Variants in CABCOCO1 observed in about 807,000 individuals in gnomAD.
CABCOCO1 encodes ciliary associated calcium binding coiled-coil 1.
CABCOCO1 carries 28 observed loss-of-function variants against 35.7 expected under a neutral mutation model. The observed-to-expected ratio is 0.78, with a 90% CI of 0.58 to 1.07. The LOEUF is 1.07. Among genes scored for constraint, CABCOCO1 ranks in the 50% least tolerant of loss-of-function variants. CABCOCO1 has a pLI of 0.00. For synonymous variants in CABCOCO1, 95 were observed against 100.1 expected (o/e 0.95, Z 0.30); for missense variants, 326 against 309.2 (o/e 1.05, Z -0.41).
At chr10:61,690,954 T>C (rs1840121469) in intron 5 of CABCOCO1, among the ~76,000 whole-genome samples, 1 of 152,120 alleles carries the variant, frequency 6.6e-6, no homozygotes, top group African/African-American at 2.4e-5. Flanking sequence ...AATAATTATA[T>C]AAAGTAAAGG....
chr10:61,688,002 G>A (rs914999270), intron 4 of CABCOCO1, among the ~76,000 whole-genome samples: 2 of 152,056 alleles, frequency 1.3e-5, no homozygotes, highest in Admixed American at 6.6e-5. Context: ...ACAAATGAAA[G>A]TTTAGCGGGG....
intron 1 of CABCOCO1, among the ~76,000 whole-genome samples, chr10:61,666,659 T>G (rs1293780831): frequency 3.9e-5 from 6 of 152,078 alleles, no homozygotes; most frequent in Non-Finnish European, 8.8e-5. Flanking sequence ...ATTTAAAGTT[T>G]TATTTTACTA....
chr10:61,755,796 A>G (rs933770046), intron 5 of CABCOCO1, among the ~76,000 whole-genome samples: 3 of 152,058 alleles, frequency 2.0e-5, no homozygotes, highest in Non-Finnish European at 2.9e-5. Context: ...AGCTCATACT[A>G]TTGATAATGT....
At chr10:61,666,996 A>G (rs1839200128) in intron 1 of CABCOCO1, among the ~76,000 whole-genome samples, 1 of 142,150 alleles carries the variant, frequency 7.0e-6, no homozygotes, top group African/African-American at 2.6e-5. Context: ...ATTATATATT[A>G]TATATAAATT....
At chr10:61,719,445 A>AT (rs1840943616) in intron 5 of CABCOCO1, among the ~76,000 whole-genome samples, 1 of 152,072 alleles carries the variant, frequency 6.6e-6, no homozygotes, top group Non-Finnish European at 1.5e-5. Context: ...GTTACACATG[A>AT]TTAAAAAAAA....
At chr10:61,747,973 C>T (rs1841700123) in intron 5 of CABCOCO1, among the ~76,000 whole-genome samples, 1 of 152,104 alleles carries the variant, frequency 6.6e-6, no homozygotes, top group Admixed American at 6.6e-5. Flanking sequence ...CTATACTCAT[C>T]CTAATATTCC....
chr10:61,749,078 T>C (rs572035371), intron 5 of CABCOCO1, among the ~76,000 whole-genome samples: 1 of 152,304 alleles, frequency 6.6e-6, no homozygotes, highest in African/African-American at 2.4e-5. Context: ...GTAAAAATAA[T>C]AAAAGCCACC....
chr10:61,680,040 G>A (rs1323742574), intron 2 of CABCOCO1, among the ~76,000 whole-genome samples: 6 of 151,828 alleles, frequency 4.0e-5, no homozygotes, highest in Non-Finnish European at 8.8e-5. Context: ...AACTGGGTGC[G>A]GTGTTCACGC....
rs549610814 is a variant in CABCOCO1 at position 61,732,184 on chromosome 10, G to T, written c.553-27875G>T. On this transcript the variant is annotated intron_variant, in intron 5 of 7. Coordinates refer to ENST00000648843, the MANE Select transcript of CABCOCO1 (RefSeq NM_001366906.2). The stretch of plus-strand genomic sequence containing the variant: ...TTTATTGGCATAAAGATCTGTATGA[G>T]CTGAAAGAAAAGATATTTAAATTAA... Among the ~76,000 whole-genome samples the T allele has an allele frequency of 3.3e-5, 5 of 152,182 alleles. No homozygotes were observed. In the East Asian group the frequency reaches 9.6e-4, roughly 29 times the overall value.
chr10:61,731,704 C>A (rs1235064136), intron 5 of CABCOCO1, among the ~76,000 whole-genome samples: 4 of 139,750 alleles, frequency 2.9e-5, no homozygotes, highest in African/African-American at 7.9e-5. Flanking sequence ...GCACAATTTT[C>A]TGACTGGAAA....
intron 5 of CABCOCO1, among the ~76,000 whole-genome samples, chr10:61,723,340 T>G (rs926561442): frequency 1.3e-5 from 2 of 152,214 alleles, no homozygotes; most frequent in African/African-American, 4.8e-5. Flanking sequence ...ATATTTAACA[T>G]TTTTATAGTA....
At position 61,697,635 on chromosome 10, in the gene CABCOCO1, T is replaced by G. The variant is rs187960670; in HGVS notation, c.552+7014T>G. On this transcript the variant is annotated intron_variant, in intron 5 of 7. Coordinates refer to ENST00000648843, the MANE Select transcript of CABCOCO1 (RefSeq NM_001366906.2). ...AAAAGGGACATTTTATTCTGTATAT[T>G]TCAGATTTAATGTTAGTCTTTTACA... 3.3e-5 allele frequency among the ~76,000 whole-genome samples: 5 copies of G among 152,216 alleles called. No homozygotes were observed. The East Asian group carries it at 9.6e-4, about 29-fold the overall frequency.
At chr10:61,732,698 T>C (rs994305236) in intron 5 of CABCOCO1, among the ~76,000 whole-genome samples, 1 of 152,104 alleles carries the variant, frequency 6.6e-6, no homozygotes, top group African/African-American at 2.4e-5. Flanking sequence ...GTCTATTCAG[T>C]ACAGCTTTCT....
At chr10:61,673,708 G>C (rs1839428682) in intron 2 of CABCOCO1, among the ~76,000 whole-genome samples, 1 of 152,200 alleles carries the variant, frequency 6.6e-6, no homozygotes, top group Admixed American at 6.5e-5. Flanking sequence ...GAGCTGCTCA[G>C]CTCTAGCGCT....
intron 2 of CABCOCO1, among the ~76,000 whole-genome samples, chr10:61,678,828 C>A (rs1839607160): frequency 6.6e-6 from 1 of 152,000 alleles, no homozygotes; most frequent in Non-Finnish European, 1.5e-5. Flanking sequence ...ATACCATATA[C>A]CAAATGGCAT....
chr10:61,752,169 C>T (rs572929843), intron 5 of CABCOCO1, among the ~76,000 whole-genome samples: 6 of 152,154 alleles, frequency 3.9e-5, no homozygotes, highest in Non-Finnish European at 8.8e-5. Flanking sequence ...TGACATCTGC[C>T]ATATATGGAA....
At chr10:61,714,664 C>T (rs1840815742) in intron 5 of CABCOCO1, among the ~76,000 whole-genome samples, 1 of 152,040 alleles carries the variant, frequency 6.6e-6, no homozygotes, top group Admixed American at 6.6e-5. Flanking sequence ...TATAAATTTC[C>T]CTCTATATAC....
intron 4 of CABCOCO1, among the ~76,000 whole-genome samples, chr10:61,686,611 A>T (rs1483082785): frequency 6.6e-6 from 1 of 152,188 alleles, no homozygotes; most frequent in East Asian, 1.9e-4. Context: ...GAAGAGCAAC[A>T]TTCATTGCTA....
chr10:61,743,222 T>C (rs925516636), intron 5 of CABCOCO1, among the ~76,000 whole-genome samples: 5 of 152,212 alleles, frequency 3.3e-5, no homozygotes, highest in Non-Finnish European at 7.3e-5. Context: ...AAACTTGTTT[T>C]TTAAGTTGCT....
Sources: gnomAD v4.1 joint callset for allele counts (sites outside exome capture counted in the v4.1 genomes callset) on GRCh38, gnomAD v4.1.1 for gene constraint, MANE v1.5 for transcripts, NCBI Gene and HGNC (gene_info 2026-07-23, HGNC 2026-07-21) for gene names.